ATP8B1: variants seen among roughly 807,000 people sequenced by gnomAD.
ATP8B1 encodes the protein ATPase phospholipid transporting 8B1.
ATP8B1 carries 80 observed loss-of-function variants against 149.9 expected under a neutral mutation model. That is an observed-to-expected ratio of 0.53 (90% confidence interval 0.45 to 0.64). The LOEUF is 0.64. ATP8B1 is among the 30% of genes least tolerant of loss of function. ATP8B1 has a pLI of 0.00. For synonymous variants in ATP8B1, 536 were observed against 562.8 expected, an observed-to-expected ratio of 0.95 and a Z score of 0.67; for missense variants, 1,247 against 1,552.6, an observed-to-expected ratio of 0.80 and a Z score of 3.31.
At chr18:57,772,342 C>T (rs2080270498) in intron 1 of ATP8B1, among the ~76,000 whole-genome samples, 1 of 152,074 alleles carries the variant, frequency 6.6e-6, no homozygotes, top group South Asian at 2.1e-4. Context: ...AAGGTCAAGT[C>T]CCAAGCTGGG....
chr18:57,775,184 G>A (rs927315471), intron 1 of ATP8B1, among the ~76,000 whole-genome samples: 3 of 152,154 alleles, frequency 2.0e-5, no homozygotes, highest in African/African-American at 7.2e-5. Context: ...GGGCGTGGTG[G>A]CATGTGCCTG....
At chr18:57,667,931 C>CAAAGT in intron 19 of ATP8B1, 1 of 432,524 alleles carries the variant, frequency 2.3e-6, no homozygotes, top group East Asian at 8.3e-5. Flanking sequence ...GGAAGGCTTA[C>CAAAGT]AAAGTAAAGT....
chr18:57,752,153 G>A (rs2080027339), intron 1 of ATP8B1, among the ~76,000 whole-genome samples: 1 of 151,506 alleles, frequency 6.6e-6, no homozygotes, highest in African/African-American at 2.4e-5. Context: ...GTTGCAGTGA[G>A]CCATGACTGC....
chr18:57,661,365 T>C lies in ATP8B1; in HGVS notation c.2516A>G (p.Lys839Arg). ...CTCTTTCTTAGCTTCTAGCCTCCTT[T>C]TACTTTGGGTCCGCATCCGTCTTTC... ...EEERRMRTQSKRRLEAKKEQR... is the reference protein window; with the variant it reads ...EEERRMRTQSRRRLEAKKEQR... Residue 839 changes from lysine (K) to arginine (R), a missense_variant, in exon 22 of 28, where the codon AAA becomes AGA. Physicochemically the swap from Lys to Arg is conservative, Grantham distance 26. Coordinates refer to ENST00000648908, the MANE Select transcript of ATP8B1 (RefSeq NM_001374385.1). The C allele has an allele frequency of 6.2e-7, 1 of 1,613,980 alleles. No individual in the cohort carries two copies. Among genetic ancestry groups the C allele is most frequent in the Non-Finnish European group, 8.5e-7 (1 of 1,180,016 alleles).
intron 2 of ATP8B1, among the ~76,000 whole-genome samples, chr18:57,725,262 GA>G (rs1213085059): frequency 3.5e-5 from 5 of 141,330 alleles, no homozygotes; most frequent in African/African-American, 1.3e-4. Context: ...AAAAAAAAAA[GA>G]AAAAAAATAA....
At chr18:57,697,513 G>T in intron 8 of ATP8B1, 105 bp downstream of exon 8, 1 of 1,209,900 alleles carries the variant, frequency 8.3e-7, no homozygotes, top group Non-Finnish European at 1.2e-6. Flanking sequence ...GGTGGCAGAG[G>T]CAAGGCCAGA....
At chr18:57,758,594 G>A (rs1461847735) in intron 1 of ATP8B1, among the ~76,000 whole-genome samples, 1 of 147,410 alleles carries the variant, frequency 6.8e-6, no homozygotes, top group Non-Finnish European at 1.5e-5. Flanking sequence ...GTTGTGGTGA[G>A]CCAAGATCGT....
intron 1 of ATP8B1, among the ~76,000 whole-genome samples, chr18:57,782,928 T>C (rs2080371463): frequency 6.7e-6 from 1 of 148,280 alleles, no homozygotes; most frequent in Non-Finnish European, 1.5e-5. Flanking sequence ...TTCTCGTGGC[T>C]CAACCTCCCG....
chr18:57,772,070 C>T (rs2080268665), intron 1 of ATP8B1, among the ~76,000 whole-genome samples: 2 of 152,144 alleles, frequency 1.3e-5, no homozygotes, highest in African/African-American at 4.8e-5. Context: ...AAAACAAAAA[C>T]TTTGCAAGCT....
rs547486767 is a variant in ATP8B1 at position 57,764,771 on chromosome 18, A to C, written c.-25-32939T>G. Among the ~76,000 whole-genome samples, 326 of 151,850 alleles carry C rather than the reference A, an allele frequency of 2.1e-3. 2 individuals are homozygous for C. The highest frequency in any genetic ancestry group is 0.01 in the Middle Eastern group (3 of 294). Reference sequence around the variant, plus strand: ...CTTTCAGTTGTCAAAAAAAAAAAAAAAAAAAAAAACAGAAAATAAGTGTTG... The same window carrying C: ...CTTTCAGTTGTCAAAAAAAAAAAAACAAAAAAAAACAGAAAATAAGTGTTG... On this transcript the variant is annotated intron_variant, in intron 1 of 27. Coordinates refer to ENST00000648908, the MANE Select transcript of ATP8B1 (RefSeq NM_001374385.1).
chr18:57,793,167 C>G (rs993853656), intron 1 of ATP8B1, among the ~76,000 whole-genome samples: 5 of 152,144 alleles, frequency 3.3e-5, no homozygotes, highest in Admixed American at 6.5e-5. Context: ...TTTTGCGACC[C>G]AGGTTCTGCT....
At chr18:57,695,080 TTG>T in intron 10 of ATP8B1, 89 bp downstream of exon 10, 1 of 1,336,994 alleles carries the variant, frequency 7.5e-7, no homozygotes, top group South Asian at 1.2e-5. Flanking sequence ...TACTCTTCTT[TTG>T]GTTTTGATGG....
At chr18:57,739,316 T>C (rs900988927) in intron 1 of ATP8B1, among the ~76,000 whole-genome samples, 3 of 152,068 alleles carry the variant, frequency 2.0e-5, no homozygotes, top group Non-Finnish European at 4.4e-5. Flanking sequence ...ATTCGTTAGG[T>C]CTCAACTTCA....
At chr18:57,694,376 C>T (rs1245230784) in intron 11 of ATP8B1, among the ~76,000 whole-genome samples, 2 of 151,946 alleles carry the variant, frequency 1.3e-5, no homozygotes, top group Non-Finnish European at 2.9e-5. Context: ...AGGGAATTCT[C>T]CTGTTAAAAG....
chr18:57,748,059 C>T (rs1359825095), intron 1 of ATP8B1, among the ~76,000 whole-genome samples: 3 of 152,126 alleles, frequency 2.0e-5, no homozygotes, highest in Non-Finnish European at 4.4e-5. Context: ...AGGAGTGTGT[C>T]CAAGCTTCTC....
intron 1 of ATP8B1, among the ~76,000 whole-genome samples, chr18:57,766,839 C>A (rs2080215255): frequency 6.6e-6 from 1 of 152,150 alleles, no homozygotes; most frequent in African/African-American, 2.4e-5. Flanking sequence ...TCCACCTGTC[C>A]TAGGAGAGGT....
Position 57,648,589 on chromosome 18 carries a change from C to G in ATP8B1, c.3655G>C (p.Asp1219His), listed in dbSNP as rs753339861. Residue 1219 changes from aspartate to histidine, a missense_variant, in exon 28 of 28, where the codon GAC becomes CAC. Around this residue, in one of 3 missense-constraint regions of ATP8B1, gnomAD observed 164 missense variants for 160.3 expected, o/e 1.02. Transcript: ENST00000648908. ...YAFSHQRGYA[D>H]LISSGRSIRK... is the part of the protein sequence containing the mutation. Reference sequence around the variant, plus strand: ...ATGCTGCGCCCGGAGGAGATGAGGTCCGCGTAGCCCCGCTGGTGCGAGAAG... The same window carrying G: ...ATGCTGCGCCCGGAGGAGATGAGGTGCGCGTAGCCCCGCTGGTGCGAGAAG... 1.2e-6 allele frequency: 2 copies of G among 1,611,198 alleles called. No homozygotes were observed. The highest frequency in any genetic ancestry group is 1.7e-6 in the Non-Finnish European group (2 of 1,179,812).
intron 12 of ATP8B1, among the ~76,000 whole-genome samples, chr18:57,690,144 G>A (rs1383241733): frequency 6.6e-6 from 1 of 152,206 alleles, no homozygotes; most frequent in African/African-American, 2.4e-5. Flanking sequence ...AGGGTAATAA[G>A]GTGTTGTCTG....
chr18:57,713,196 T>TTTCTTTCCTTCCTTCCTTCCTTCC (rs1913791192), intron 2 of ATP8B1, among the ~76,000 whole-genome samples: 1 of 89,874 alleles, frequency 1.1e-5, no homozygotes, highest in African/African-American at 3.8e-5. Context: ...TCTTTCTTTC[T>TTTCTTTCCTTCCTTCCTTCCTTCC]TTCCTTCCTT....
Sources: gnomAD v4.1 joint callset for allele counts (sites outside exome capture counted in the v4.1 genomes callset) on GRCh38, gnomAD v4.1.1 for gene constraint, gnomAD v4.1.1 regional missense constraint, MANE v1.5 for transcripts, NCBI Gene and HGNC (gene_info 2026-07-23, HGNC 2026-07-21) for gene names.